The following RABGGTA variants were observed in gnomAD, a reference collection of about 807,000 sequenced individuals.
RABGGTA encodes the protein Rab geranylgeranyltransferase subunit alpha.
In RABGGTA, 69 loss-of-function variants were observed where a neutral mutation model predicts 83.3. The observed-to-expected ratio is 0.83, with a 90% CI of 0.68 to 1.01. The LOEUF (loss-of-function observed/expected upper bound fraction) is 1.01. Among genes scored for constraint, RABGGTA ranks in the 50% least tolerant of loss-of-function variants. The pLI, the probability that RABGGTA is intolerant of heterozygous loss-of-function variation, is 0.00. For synonymous variants in RABGGTA, 310 were observed against 299.8 expected (o/e 1.03, Z -0.35); for missense variants, 681 against 712.7 (o/e 0.96, Z 0.51).
intron 13 of RABGGTA, 22 bp from the exon 14 acceptor site, chr14:24,267,798 G>C (rs1362174658): frequency 1.2e-6 from 2 of 1,611,622 alleles, no homozygotes; most frequent in Non-Finnish European, 1.7e-6. Flanking sequence ...GAGGTGGGCA[G>C]GGTATGCATG....
Position 24,265,658 on chromosome 14 carries a change from T to C in RABGGTA, c.1661A>G (p.Gln554Arg). 6.2e-7 allele frequency: 1 copy of C among 1,613,698 alleles called. No individual in the cohort carries two copies. Among genetic ancestry groups the C allele is most frequent in the Non-Finnish European group, 8.5e-7 (1 of 1,179,790 alleles). ...AACTGAAGGCAGCAGTTCAGCCAGT[T>C]GCTCCAAGATGCCCACCGCTTGGCA... ...PLCQAVGILEQLAELLPSVSS... is the reference protein window; with the variant it reads ...PLCQAVGILERLAELLPSVSS... Residue 554 changes from glutamine to arginine, a missense_variant, in exon 17 of 17, where the codon CAA becomes CGA. By Grantham distance (43) the Gln-to-Arg change is conservative (BLOSUM62 1). Transcript: ENST00000216840.
rs747628262 is a variant in RABGGTA, at chr14:24,268,748, T to G, written c.877A>C (p.Arg293=). The change falls in exon 9 of 17, where the codon AGG becomes CGG. Residue 293 remains arginine, a synonymous_variant. Transcript: ENST00000216840. ...ACCCAGACATGGCTGGGCCGGTTCC[T>G]GCCATCTGGGGTCCTCCACTCCACA... ...LIVEWRTPDG[R]NRPSHVWLCD... is the part of the protein sequence containing the mutation. 1.1e-5 allele frequency: 18 copies of G among 1,587,842 alleles called. No homozygotes were observed. Among genetic ancestry groups the G allele is most frequent in the Non-Finnish European group, 1.5e-5 (18 of 1,167,182 alleles).
chr14:24,267,961 G>A lies in RABGGTA; in HGVS notation c.1148-3C>T. The A allele has an allele frequency of 6.2e-7, 1 of 1,613,532 alleles. No homozygotes were observed. Among genetic ancestry groups the A allele is most frequent in the Non-Finnish European group, 8.5e-7 (1 of 1,179,682 alleles). ...CAGGATGATGGTAAGCAGGCACCCTGAGGAGAGGGCAGGGAAAAGGAGGGT... is the reference window on the plus strand; with the variant it reads ...CAGGATGATGGTAAGCAGGCACCCTAAGGAGAGGGCAGGGAAAAGGAGGGT... On this transcript the variant is annotated splice_polypyrimidine_tract_variant and splice_region_variant and intron_variant, in intron 12 of 16. Coordinates refer to ENST00000216840, the MANE Select transcript of RABGGTA (RefSeq NM_182836.3).
chr14:24,267,608 G>T, intron 14 of RABGGTA, 52 bp downstream of exon 14: 1 of 1,461,232 alleles, frequency 6.8e-7, no homozygotes, highest in East Asian at 2.4e-5. Flanking sequence ...TCAGGGACGT[G>T]GGGAGGCCAG....
intron 16 of RABGGTA, 42 bp downstream of exon 16, chr14:24,266,388 C>CA: frequency 6.3e-7 from 1 of 1,586,470 alleles, no homozygotes; most frequent in South Asian, 1.1e-5. Context: ...GGTGGCACCT[C>CA]ACTTTACCCA....
In RABGGTA at chr14:24,269,583, G is replaced by C. The variant is rs1308729951; in HGVS notation, c.539C>G (p.Ser180Cys). Residue 180 changes from serine (S) to cysteine (C), a missense_variant, in exon 6 of 17, where the codon TCC becomes TGC. Coordinates refer to ENST00000216840, the MANE Select transcript of RABGGTA (RefSeq NM_182836.3). ...LITRNFSNYS[S>C]WHYRSCLLPQ... ...CAAGAGACAGGAGCGGTAATGCCAGGAAGAGTAGTTGGAGAAGTTTCGGGT... is the reference window on the plus strand; with the variant it reads ...CAAGAGACAGGAGCGGTAATGCCAGCAAGAGTAGTTGGAGAAGTTTCGGGT... 1.2e-6 allele frequency: 2 copies of C among 1,612,328 alleles called. No homozygotes were observed. The highest frequency in any genetic ancestry group is 1.1e-5 in the South Asian group (1 of 91,042).
chr14:24,268,833 C>A lies in RABGGTA; in HGVS notation c.799-7G>T. 3 of 1,564,164 alleles carry A rather than the reference C, an allele frequency of 1.9e-6. No individual in the cohort carries two copies. Among genetic ancestry groups the A allele is most frequent in the South Asian group, 2.4e-5 (2 of 85,050 alleles). On this transcript the variant is annotated splice_region_variant and splice_polypyrimidine_tract_variant and intron_variant, in intron 8 of 16. Coordinates refer to ENST00000216840, the MANE Select transcript of RABGGTA (RefSeq NM_182836.3). ...TCTCCATCCTGGAGCCCACCTGGCA[C>A]AAAGGACAAAGACTTCAGCCCCATC...
In RABGGTA at chr14:24,268,711, C is replaced by T. The variant is rs752808767; in HGVS notation, c.900+14G>A. 6.2e-7 allele frequency: 1 copy of T among 1,603,294 alleles called. No individual in the cohort carries two copies. The highest frequency in any genetic ancestry group is 1.7e-5 in the Admixed American group (1 of 57,812). On this transcript the variant is annotated intron_variant, in intron 9 of 16. Coordinates refer to ENST00000216840, the MANE Select transcript of RABGGTA (RefSeq NM_182836.3). ...CCCCAGACCCCAACTTCTGCCCCAC[C>T]AATCCTGGGATACCCAGACATGGCT...
chr14:24,270,764 A>G (rs529867973), intron 3 of RABGGTA, 73 bp downstream of exon 3: 1 of 1,550,342 alleles, frequency 6.5e-7, no homozygotes, highest in East Asian at 2.4e-5. Context: ...GTCTGACTCT[A>G]GGGACCAGCT....
chr14:24,269,805 G>A (rs558303263), intron 5 of RABGGTA, 111 bp from the exon 6 acceptor site: 9 of 1,413,110 alleles, frequency 6.4e-6, no homozygotes, highest in Middle Eastern at 1.9e-4. Context: ...TGCACTCCAC[G>A]GAGGATGCAT....
At chr14:24,267,422 C>T (rs1266333676) in intron 14 of RABGGTA, among the ~76,000 whole-genome samples, 7 of 152,020 alleles carry the variant, frequency 4.6e-5, no homozygotes, top group Non-Finnish European at 1.0e-4. Context: ...AAGCTGTGAC[C>T]AGCCTGGGGA....
intron 16 of RABGGTA, 112 bp from the exon 17 acceptor site, chr14:24,265,875 A>C: frequency 1.0e-3 from 1,426 of 1,415,486 alleles, no homozygotes; most frequent in Non-Finnish European, 1.2e-3. Flanking sequence ...TGGGCATCTC[A>C]TATGCTCCCT....
At position 24,266,871 on chromosome 14, in the gene RABGGTA, G is replaced by A; in HGVS notation, c.1372C>T (p.His458Tyr). ...LAHKDLTVLC[H>Y]LEQLLLVTHL... ...GTGACCAAGAGCAGCTGTTCCAGAT[G>A]GCAGAGCACTGTCAGATCCTGGGGG... is the stretch of plus-strand genomic sequence containing the variant. Residue 458 changes from histidine (H) to tyrosine (Y), a missense_variant, in exon 15 of 17, where the codon CAT becomes TAT. This residue lies in a region of RABGGTA where 421 missense variants were observed against 418.5 expected (regional missense o/e 1.01). Transcript: ENST00000216840. 4 of 1,613,838 alleles carry A rather than the reference G, an allele frequency of 2.5e-6. No homozygotes were observed. Among genetic ancestry groups the A allele is most frequent in the East Asian group, 4.5e-5 (2 of 44,882 alleles).
In RABGGTA at chr14:24,270,002, G is replaced by A; in HGVS notation, c.378C>T (p.Thr126=). 1 of 1,613,682 alleles carries A rather than the reference G, an allele frequency of 6.2e-7. No individual in the cohort carries two copies. The highest frequency in any genetic ancestry group is 8.5e-7 in the Non-Finnish European group (1 of 1,179,784). Residue 126 remains threonine, a synonymous_variant, in exon 5 of 17, where the codon ACC becomes ACT. Transcript: ENST00000216840. The stretch of plus-strand genomic sequence containing the variant: ...AACGGGCACAGAGCTCCAGCTCTCG[G>A]GTCCAGTTGGGCTCAGGCAGGCGGC... ...LLGRLPEPNW[T]RELELCARFL...
chr14:24,268,311 C>A, intron 11 of RABGGTA, 58 bp downstream of exon 11: 1 of 1,611,400 alleles, frequency 6.2e-7, no homozygotes, highest in Non-Finnish European at 8.5e-7. Context: ...CCTGCCCTGG[C>A]TGCCTGATGC....
chr14:24,270,148 C>T lies in RABGGTA; in HGVS notation c.240-8G>A. The T allele has an allele frequency of 6.3e-7, 1 of 1,598,100 alleles. No homozygotes were observed. Among genetic ancestry groups the T allele is most frequent in the Non-Finnish European group, 8.5e-7 (1 of 1,173,056 alleles). On this transcript the variant is annotated splice_polypyrimidine_tract_variant and splice_region_variant and intron_variant, in intron 4 of 16. Transcript: ENST00000216840. ...GCCAACTCTTCAGGAGACCTGTACCCAGAAGGGAAGGGGGGGGTCAGGGCT... is the reference window on the plus strand; with the variant it reads ...GCCAACTCTTCAGGAGACCTGTACCTAGAAGGGAAGGGGGGGGTCAGGGCT...
intron 16 of RABGGTA, 111 bp downstream of exon 16, chr14:24,266,319 C>G (rs1245312804): frequency 2.0e-6 from 2 of 999,972 alleles, no homozygotes; most frequent in Admixed American, 3.6e-5. Flanking sequence ...ACAGAGCCCC[C>G]TCTCTCCTGC....
chr14:24,267,807 T>C (rs2040892923), intron 13 of RABGGTA, 31 bp from the exon 14 acceptor site: 2 of 1,609,948 alleles, frequency 1.2e-6, no homozygotes, highest in East Asian at 2.2e-5. Context: ...AGGGTATGCA[T>C]GTCAGCTGCC....
At chr14:24,266,091 G>T (rs569108443) in intron 16 of RABGGTA, among the ~76,000 whole-genome samples, 2 of 152,324 alleles carry the variant, frequency 1.3e-5, no homozygotes, top group Non-Finnish European at 2.9e-5. Flanking sequence ...CCAGTGTAAG[G>T]TTGCTCTAAC....
Sources: gnomAD v4.1 joint callset for allele counts (sites outside exome capture counted in the v4.1 genomes callset) on GRCh38, gnomAD v4.1.1 for gene constraint, gnomAD v4.1.1 regional missense constraint, MANE v1.5 for transcripts, NCBI Gene and HGNC (gene_info 2026-07-23, HGNC 2026-07-21) for gene names.